PLEKHH1: variants seen among roughly 807,000 people sequenced by gnomAD.
PLEKHH1 encodes pleckstrin homology, MyTH4 and FERM domain containing H1.
In PLEKHH1, 104 loss-of-function variants were observed where a neutral mutation model predicts 160.0. That is an observed-to-expected ratio of 0.65 (90% CI 0.55 to 0.76). The LOEUF (loss-of-function observed/expected upper bound fraction) is 0.76. PLEKHH1 is among the 30% of genes least tolerant of loss of function. The pLI, the probability that PLEKHH1 is intolerant of heterozygous loss-of-function variation, is 0.00. For missense variants in PLEKHH1, 1,427 were observed against 1,724.1 expected (o/e 0.83, Z 3.05); for synonymous variants, 619 against 678.4 (o/e 0.91, Z 1.36).
At chr14:67,572,391 G>A in intron 11 of PLEKHH1, 114 bp downstream of exon 11, 1 of 765,956 alleles carries the variant, frequency 1.3e-6, no homozygotes, top group East Asian at 3.3e-5. Flanking sequence ...CCCTAGAGCT[G>A]GGGGATGGGG....
At position 67,587,493 on chromosome 14, in the gene PLEKHH1, T is replaced by G. The variant is rs1445619026; in HGVS notation, c.*258T>G. 2.0e-6 allele frequency: 1 copy of G among 501,072 alleles called. No homozygotes were observed. The highest frequency in any genetic ancestry group is 3.3e-5 in the Admixed American group (1 of 30,306). 31.0% of individuals were successfully genotyped at this position (501,072 alleles called of 1,614,324 possible). On this transcript the variant is annotated 3_prime_UTR_variant, in exon 29 of 29. Transcript: ENST00000329153. Reference sequence around the variant, plus strand: ...AAGAATAATGACTCCAGATGCTACCTGATTCTAGACATAGACAGGGATGAT... The same window carrying G: ...AAGAATAATGACTCCAGATGCTACCGGATTCTAGACATAGACAGGGATGAT...
rs535080833 is a variant in PLEKHH1 at position 67,555,526 on chromosome 14, A to T, written c.127-299A>T. 1.6e-3 allele frequency among the ~76,000 whole-genome samples: 246 copies of T among 152,240 alleles called. 2 individuals are homozygous for T. Among genetic ancestry groups the T allele is most frequent in the African/African-American group, 5.6e-3 (234 of 41,540 alleles). The stretch of plus-strand genomic sequence containing the variant: ...AGGACAGGGTGGGATGCTCAGGAAG[A>T]ATGACAGTGGAGCTGCTGCCCTCCC... On this transcript the variant is annotated intron_variant, in intron 2 of 28. Transcript: ENST00000329153.
chr14:67,558,018 T>G (rs1258151830), intron 4 of PLEKHH1, among the ~76,000 whole-genome samples: 1 of 152,208 alleles, frequency 6.6e-6, no homozygotes, highest in Non-Finnish European at 1.5e-5. Context: ...AACCAGGGTC[T>G]TCCCTTCTGA....
In PLEKHH1 at chr14:67,582,256, A is replaced by G. The variant is rs761846679; in HGVS notation, c.3426+46A>G. The G allele has an allele frequency of 8.7e-6, 14 of 1,612,420 alleles. No homozygotes were observed. The East Asian group carries it at 8.9e-5, about 10-fold the overall frequency. ...CAGGAGGGTCGGGTTGCCAGCTTAGAATGAATGCACCATGCAGCCTGAAAC... is the reference window on the plus strand; with the variant it reads ...CAGGAGGGTCGGGTTGCCAGCTTAGGATGAATGCACCATGCAGCCTGAAAC... On this transcript the variant is annotated intron_variant, in intron 24 of 28. Coordinates refer to ENST00000329153, the MANE Select transcript of PLEKHH1 (RefSeq NM_020715.3). The surrounding 1 kb of genome is among the most constrained non-coding windows in gnomAD (Gnocchi z 5.0).
intron 7 of PLEKHH1, among the ~76,000 whole-genome samples, chr14:67,563,706 T>C (rs1382460077): frequency 1.3e-5 from 2 of 151,434 alleles, no homozygotes; most frequent in Non-Finnish European, 2.9e-5. Flanking sequence ...GTGCTGGGAT[T>C]GTAAGTATGA....
intron 4 of PLEKHH1, among the ~76,000 whole-genome samples, chr14:67,558,199 C>G (rs2034672340): frequency 6.6e-6 from 1 of 152,170 alleles, no homozygotes; most frequent in Non-Finnish European, 1.5e-5. Flanking sequence ...TGCCACTGGC[C>G]TTACCTACCC....
intron 1 of PLEKHH1, among the ~76,000 whole-genome samples, chr14:67,536,290 A>G (rs530395034): frequency 1.3e-5 from 2 of 151,894 alleles, no homozygotes; most frequent in East Asian, 3.9e-4. Flanking sequence ...GTCCCTGTGT[A>G]CACTCACACC....
chr14:67,581,091 C>T (rs941931411), intron 23 of PLEKHH1, 53 bp downstream of exon 23: 2 of 1,134,672 alleles, frequency 1.8e-6, no homozygotes, highest in African/African-American at 3.0e-5. Context: ...CCACTGGGTG[C>T]CAGCTCATCG....
At position 67,572,266 on chromosome 14, in the gene PLEKHH1, G is replaced by A; in HGVS notation, c.1717G>A (p.Gly573Ser). Residue 573 changes from glycine to serine, a missense_variant, in exon 11 of 29, where the codon GGC becomes AGC. Gly to Ser is a moderately conservative substitution (Grantham distance 56). Transcript: ENST00000329153. ...CTCATCCTACTCCACCGACGGGCTG[G>A]GCCTGGGCGGGGTGAGCCGGGAAAC... ...RTSSYSTDGL[G>S]LGGESLEKSG... 1 of 1,600,100 alleles carries A rather than the reference G, an allele frequency of 6.2e-7. No homozygotes were observed. The highest frequency in any genetic ancestry group is 8.5e-7 in the Non-Finnish European group (1 of 1,175,346).
At chr14:67,544,215 A>G (rs533686261) in intron 2 of PLEKHH1, among the ~76,000 whole-genome samples, 21 of 152,216 alleles carry the variant, frequency 1.4e-4, no homozygotes, top group Non-Finnish European at 2.2e-4. Flanking sequence ...AGATGACAAT[A>G]GCTTCTCAGA....
At chr14:67,551,887 G>T (rs79240746) in intron 2 of PLEKHH1, among the ~76,000 whole-genome samples, 1 of 151,682 alleles carries the variant, frequency 6.6e-6, no homozygotes, top group African/African-American at 2.4e-5. Context: ...AAAAAAAAAA[G>T]AATGTTGAAC....
At chr14:67,569,654 C>A in intron 8 of PLEKHH1, 1 of 516,922 alleles carries the variant, frequency 1.9e-6, no homozygotes. Flanking sequence ...ACATCTGCAA[C>A]AGTGGAACAC....
At position 67,578,663 on chromosome 14, in the gene PLEKHH1, T is replaced by A; in HGVS notation, c.2849+32T>A. ...GAACCTGGCCGTTTCCTCTGCCACT[T>A]GAGCACTGCCAACTGCCGCATGAAT... On this transcript the variant is annotated intron_variant, in intron 20 of 28. Transcript: ENST00000329153. The surrounding 1 kb of genome is among the most constrained non-coding windows in gnomAD (Gnocchi z 5.0). 7.5e-7 allele frequency: 1 copy of A among 1,340,448 alleles called. No homozygotes were observed. Among genetic ancestry groups the A allele is most frequent in the South Asian group, 1.2e-5 (1 of 80,292 alleles). The allele number at this position is 1,340,448 out of a possible 1,614,324, so 83.0% of individuals were successfully genotyped here.
chr14:67,568,121 G>C (rs1002561157), intron 7 of PLEKHH1, among the ~76,000 whole-genome samples: 3 of 152,068 alleles, frequency 2.0e-5, no homozygotes, highest in African/African-American at 7.2e-5. Flanking sequence ...TCCTGCAGGG[G>C]AAAAAACGTG....
At position 67,557,266 on chromosome 14, in the gene PLEKHH1, C is replaced by T. The variant is rs979919206; in HGVS notation, c.190-3C>T. On this transcript the variant is annotated splice_region_variant and splice_polypyrimidine_tract_variant and intron_variant, in intron 3 of 28. Transcript: ENST00000329153. ...GACACTATGAGATCATTGTACTTTT[C>T]AGGTGGGTGTCATGGAAGAGAAGGT... The T allele has an allele frequency of 9.3e-6, 15 of 1,613,052 alleles. No individual in the cohort carries two copies. The highest frequency in any genetic ancestry group is 1.2e-5 in the Non-Finnish European group (14 of 1,179,294).
intron 1 of PLEKHH1, among the ~76,000 whole-genome samples, chr14:67,535,118 G>A (rs1292809022): frequency 1.3e-5 from 2 of 152,150 alleles, no homozygotes; most frequent in Non-Finnish European, 2.9e-5. Context: ...TGTATGGTGG[G>A]CCACGATTTT....
chr14:67,570,763 T>C (rs2035333377), intron 9 of PLEKHH1: 1 of 152,090 alleles, frequency 6.6e-6, no homozygotes, highest in Non-Finnish European at 1.5e-5. Flanking sequence ...CTGGCTCTGT[T>C]GCCAGGCTGG....
intron 8 of PLEKHH1, chr14:67,569,610 T>TG: frequency 2.1e-6 from 1 of 466,200 alleles, no homozygotes; most frequent in Non-Finnish European, 3.9e-6. Flanking sequence ...ACGAGGGCTG[T>TG]GGGGTGGTCC....
In PLEKHH1 at chr14:67,578,767, C is replaced by G. The variant is rs2035747738; in HGVS notation, c.2849+136C>G. 1.6e-5 allele frequency: 11 copies of G among 685,164 alleles called. No individual in the cohort carries two copies. Among genetic ancestry groups the G allele is most frequent in the Non-Finnish European group, 2.9e-5 (11 of 377,756 alleles). The allele number at this position is 685,164 out of a possible 1,614,324, so 42.4% of individuals were successfully genotyped here. On this transcript the variant is annotated intron_variant, in intron 20 of 28. Coordinates refer to ENST00000329153, the MANE Select transcript of PLEKHH1 (RefSeq NM_020715.3). The surrounding 1 kb of genome is among the most constrained non-coding windows in gnomAD (Gnocchi z 5.0). ...CGCTCAGTGGTCGTGGAGACTTCACCCATTGCCGTGTGCACAAATGGGCAC... is the reference window on the plus strand; with the variant it reads ...CGCTCAGTGGTCGTGGAGACTTCACGCATTGCCGTGTGCACAAATGGGCAC...
Sources: gnomAD v4.1 joint callset for allele counts (sites outside exome capture counted in the v4.1 genomes callset) on GRCh38, gnomAD v4.1.1 for gene constraint, Gnocchi (gnomAD v3.1) non-coding constraint, MANE v1.5 for transcripts, NCBI Gene and HGNC (gene_info 2026-07-23, HGNC 2026-07-21) for gene names.